GAB1: variants seen among roughly 807,000 people sequenced by gnomAD.
GAB1 encodes the protein GRB2 associated binding protein 1.
GAB1 carries 19 observed loss-of-function variants against 66.5 expected under a neutral mutation model. That is an observed-to-expected ratio of 0.29 (90% CI 0.20 to 0.42). The LOEUF is 0.42. Among genes scored for constraint, GAB1 ranks in the 10% least tolerant of loss-of-function variants. The pLI, the probability that GAB1 is intolerant of heterozygous loss-of-function variation, is 1.00. For missense variants in GAB1, 732 were observed against 858.5 expected (o/e 0.85, Z 1.84); for synonymous variants, 294 against 301.4 (o/e 0.98, Z 0.25).
At chr4:143,362,840 CA>C in intron 1 of GAB1, among the ~76,000 whole-genome samples, 1 of 152,302 alleles carries the variant, frequency 6.6e-6, no homozygotes, top group Middle Eastern at 3.4e-3. Context: ...AACTTCCTGG[CA>C]GGGCAGCCCA....
intron 6 of GAB1, among the ~76,000 whole-genome samples, chr4:143,444,638 G>A (rs1050320136): frequency 1.3e-5 from 2 of 151,876 alleles, no homozygotes; most frequent in Non-Finnish European, 2.9e-5. Context: ...TTAGTTTTAG[G>A]GGGGTGCATG....
At chr4:143,389,248 A>T (rs1475519846) in intron 1 of GAB1, among the ~76,000 whole-genome samples, 1 of 152,248 alleles carries the variant, frequency 6.6e-6, no homozygotes, top group Admixed American at 6.5e-5. Flanking sequence ...TAGAATGAGG[A>T]GACCAATGTA....
In GAB1 at chr4:143,472,909, G is replaced by T. The variant is rs546770225; in HGVS notation, c.*3720G>T. The T allele has an allele frequency of 2.0e-5, 3 of 152,242 alleles. No individual in the cohort carries two copies. The highest frequency in any genetic ancestry group is 7.2e-5 in the African/African-American group (3 of 41,536). The allele number at this position is 152,242 out of a possible 1,614,324, so 9.4% of individuals were successfully genotyped here. A position where few individuals can be genotyped will look rare whatever the true frequency, so the allele number is the denominator to read the frequency against. ...AAAAACTGAACTATGAGAAGCCATG[G>T]TATAAATGAATATTGTGGACATCAT... On this transcript the variant is annotated 3_prime_UTR_variant, in exon 10 of 10. Transcript: ENST00000262994.
In GAB1 at chr4:143,399,679, C is replaced by T. The variant is rs1731654703; in HGVS notation, c.73-15798C>T. 2.0e-5 allele frequency among the ~76,000 whole-genome samples: 3 copies of T among 152,328 alleles called. No homozygotes were observed. The South Asian group carries it at 6.2e-4, about 32-fold the overall frequency. On this transcript the variant is annotated intron_variant, in intron 1 of 9. Coordinates refer to ENST00000262994, the MANE Select transcript of GAB1 (RefSeq NM_002039.4). ...TGTGGCGGAAGTCTTTCTGTTCATTCATCCTTCTTATAAGGGCACTCAAAG... is the reference window on the plus strand; with the variant it reads ...TGTGGCGGAAGTCTTTCTGTTCATTTATCCTTCTTATAAGGGCACTCAAAG...
chr4:143,449,374 A>C (rs1182652214), intron 6 of GAB1, among the ~76,000 whole-genome samples: 2 of 151,776 alleles, frequency 1.3e-5, no homozygotes, highest in African/African-American at 2.4e-5. Flanking sequence ...TGATCTGTCT[A>C]ATGTTGACAG....
chr4:143,345,202 T>C (rs1244809454), intron 1 of GAB1, among the ~76,000 whole-genome samples: 2 of 152,214 alleles, frequency 1.3e-5, no homozygotes, highest in Non-Finnish European at 2.9e-5. Flanking sequence ...TTCAATAATG[T>C]TTATCATCTT....
chr4:143,411,546 C>A (rs561203534), intron 1 of GAB1, among the ~76,000 whole-genome samples: 1 of 152,256 alleles, frequency 6.6e-6, no homozygotes, highest in South Asian at 2.1e-4. Flanking sequence ...TTTGTCTGCT[C>A]CTGCTCTGCA....
intron 1 of GAB1, among the ~76,000 whole-genome samples, chr4:143,387,788 C>T (rs1044510868): frequency 2.6e-5 from 4 of 152,148 alleles, no homozygotes; most frequent in Non-Finnish European, 4.4e-5. Flanking sequence ...GTTACCTACT[C>T]AGTAAAGCCA....
chr4:143,347,249 C>G (rs1729017978), intron 1 of GAB1, among the ~76,000 whole-genome samples: 1 of 152,120 alleles, frequency 6.6e-6, no homozygotes, highest in Admixed American at 6.5e-5. Flanking sequence ...GAATTTTGAG[C>G]CTAAAATTGT....
At chr4:143,435,942 C>T (rs897289832) in intron 3 of GAB1, among the ~76,000 whole-genome samples, 1 of 152,124 alleles carries the variant, frequency 6.6e-6, no homozygotes, top group African/African-American at 2.4e-5. Context: ...CTTGTTTTAT[C>T]GCAGTGTTAG....
At chr4:143,378,097 A>G (rs1730491969) in intron 1 of GAB1, among the ~76,000 whole-genome samples, 1 of 152,258 alleles carries the variant, frequency 6.6e-6, no homozygotes, top group Non-Finnish European at 1.5e-5. Flanking sequence ...ACACTGTTTA[A>G]TAATACTCAA....
At chr4:143,375,677 T>C (rs184499410) in intron 1 of GAB1, among the ~76,000 whole-genome samples, 35 of 152,370 alleles carry the variant, frequency 2.3e-4, no homozygotes, top group East Asian at 1.9e-3. Context: ...AAATGGCCTC[T>C]GCAGTTTTCC....
intron 1 of GAB1, among the ~76,000 whole-genome samples, chr4:143,341,217 G>A (rs1728813075): frequency 6.6e-6 from 1 of 152,096 alleles, no homozygotes; most frequent in South Asian, 2.1e-4. Flanking sequence ...CTTTGTTAAG[G>A]ACCTGATGGA....
At chr4:143,413,301 AT>A (rs1732493203) in intron 1 of GAB1, among the ~76,000 whole-genome samples, 1 of 152,166 alleles carries the variant, frequency 6.6e-6, no homozygotes, top group Admixed American at 6.5e-5. Context: ...ATATTTATTT[AT>A]TTTGCAGTAA....
chr4:143,359,424 C>T (rs924709900), intron 1 of GAB1, among the ~76,000 whole-genome samples: 2 of 152,164 alleles, frequency 1.3e-5, no homozygotes, highest in African/African-American at 2.4e-5. Flanking sequence ...ACAGTAAAGG[C>T]TAGACAAGTC....
chr4:143,436,216 T>C (rs1455466613), intron 3 of GAB1, among the ~76,000 whole-genome samples: 1 of 152,136 alleles, frequency 6.6e-6, no homozygotes, highest in Non-Finnish European at 1.5e-5. Context: ...TAGTAATTTG[T>C]GCAAAAATAG....
At chr4:143,337,803 A>C (rs980511377) in intron 1 of GAB1, among the ~76,000 whole-genome samples, 4 of 152,172 alleles carry the variant, frequency 2.6e-5, no homozygotes, top group Non-Finnish European at 5.9e-5. Flanking sequence ...GAACGCGCGC[A>C]AAAGGGAAAG....
rs906157573 is a variant in GAB1, at chr4:143,472,492, G to A, written c.*3303G>A. On this transcript the variant is annotated 3_prime_UTR_variant, in exon 10 of 10. Coordinates refer to ENST00000262994, the MANE Select transcript of GAB1 (RefSeq NM_002039.4). ...GGGAAGTTGTCTGCTTCCCCCTTTA[G>A]AGAAAACAGTATTTTTATATTTTGT... 3 of 152,038 alleles carry A rather than the reference G, an allele frequency of 2.0e-5. No individual in the cohort carries two copies. The highest frequency in any genetic ancestry group is 2.9e-5 in the Non-Finnish European group (2 of 67,994). The allele number at this position is 152,038 out of a possible 1,614,324, so 9.4% of individuals were successfully genotyped here. A position where few individuals can be genotyped will look rare whatever the true frequency, so the allele number is the denominator to read the frequency against.
chr4:143,395,995 G>A lies in GAB1; in HGVS notation c.73-19482G>A, dbSNP rs777336221. 9 of 455,996 alleles carry A rather than the reference G, an allele frequency of 2.0e-5. No homozygotes were observed. In the East Asian group the frequency reaches 5.6e-4, roughly 28 times the overall value. The allele number at this position is 455,996 out of a possible 1,614,324, so 28.2% of individuals were successfully genotyped here. On this transcript the variant is annotated intron_variant, in intron 1 of 9. Coordinates refer to ENST00000262994, the MANE Select transcript of GAB1 (RefSeq NM_002039.4). ...GGAGAGGGCATATGGATGAGGTGGGGAGGATTCCAGCAGAGGGGACCCAGG... is the reference window on the plus strand; with the variant it reads ...GGAGAGGGCATATGGATGAGGTGGGAAGGATTCCAGCAGAGGGGACCCAGG...
Sources: allele counts gnomAD v4.1 joint callset (sites outside exome capture counted in the v4.1 genomes callset), GRCh38; gene constraint gnomAD v4.1.1; transcripts MANE v1.5; gene names NCBI Gene and HGNC (gene_info 2026-07-23, HGNC 2026-07-21).